The following SLTM variants were observed in gnomAD, a reference collection of about 807,000 sequenced individuals.
SLTM encodes SAFB-like transcription modulator.
A neutral mutation model predicts 134.6 loss-of-function variants in SLTM; 43 were observed. The observed-to-expected ratio is 0.32, with a 90% CI of 0.25 to 0.41. The LOEUF is 0.41. Among genes scored for constraint, SLTM ranks in the 10% least tolerant of loss-of-function variants. The pLI is 1.00. For missense variants in SLTM, 1,055 were observed against 1,288.8 expected (o/e 0.82, Z 2.78); for synonymous variants, 424 against 432.3 (o/e 0.98, Z 0.24).
At chr15:58,929,270 A>T (rs2037700498) in intron 2 of SLTM, among the ~76,000 whole-genome samples, 1 of 152,138 alleles carries the variant, frequency 6.6e-6, no homozygotes, top group Non-Finnish European at 1.5e-5. Context: ...GACCAACTGG[A>T]GAAACCCGTC....
At chr15:58,887,595 ATTC>A (rs1433026854) in intron 17 of SLTM, 55 bp from the exon 18 acceptor site, 10 of 1,537,064 alleles carry the variant, frequency 6.5e-6, no homozygotes, top group African/African-American at 5.6e-5. Context: ...TGAGTGCTTA[ATTC>A]TTCTTAACTT....
At chr15:58,882,194 C>CAAAAAA (rs1491529353) in intron 20 of SLTM, among the ~76,000 whole-genome samples, 1 of 17,810 alleles carries the variant, frequency 5.6e-5, no homozygotes, top group Non-Finnish European at 1.8e-4. Flanking sequence ...AAAAAAAAAA[C>CAAAAAA]CACACTTAGA....
intron 20 of SLTM, among the ~76,000 whole-genome samples, chr15:58,883,122 C>T (rs1160720214): frequency 1.3e-5 from 2 of 152,110 alleles, no homozygotes; most frequent in Admixed American, 6.5e-5. Flanking sequence ...CGAGACCTGC[C>T]TGGGCAACAT....
chr15:58,906,793 G>T (rs555057518), intron 5 of SLTM, among the ~76,000 whole-genome samples: 1 of 152,316 alleles, frequency 6.6e-6, no homozygotes, highest in Admixed American at 6.5e-5. Context: ...TAAATGTAGT[G>T]TAAGACTGCT....
At chr15:58,884,564 G>A (rs568289478) in intron 19 of SLTM, among the ~76,000 whole-genome samples, 41 of 152,172 alleles carry the variant, frequency 2.7e-4, no homozygotes, top group African/African-American at 4.3e-4. Flanking sequence ...TGATCCGCCC[G>A]CCTAGGCCTC....
At chr15:58,889,089 A>G (rs1033619818) in intron 16 of SLTM, 1 of 223,014 alleles carries the variant, frequency 4.5e-6, no homozygotes, top group Non-Finnish European at 9.0e-6. Flanking sequence ...AATAGAATCT[A>G]TCTTTCAATC....
At chr15:58,930,727 C>T (rs1567169059) in intron 2 of SLTM, among the ~76,000 whole-genome samples, 1 of 143,932 alleles carries the variant, frequency 6.9e-6, no homozygotes, top group Non-Finnish European at 1.5e-5. Flanking sequence ...ATATATATAT[C>T]ATATATGATA....
rs2035296082 is a variant in SLTM, at chr15:58,899,141, T to C, written c.1059-289A>G. 2 of 435,954 alleles carry C rather than the reference T, an allele frequency of 4.6e-6. No homozygotes were observed. The highest frequency in any genetic ancestry group is 4.1e-5 in the Admixed American group (1 of 24,638). 27.0% of individuals were successfully genotyped at this position (435,954 alleles called of 1,614,324 possible). On this transcript the variant is annotated intron_variant, in intron 7 of 20. Transcript: ENST00000380516. The surrounding 1 kb of genome is among the most constrained non-coding windows in gnomAD (Gnocchi z 5.0). ...TGACTTCATTTTGTGTTCTTAGAAC[T>C]GATAGTTGTTCATTAACCATCATCA... is the stretch of plus-strand genomic sequence containing the variant.
rs1209949793 is a variant in SLTM at position 58,920,651 on chromosome 15, A to AAATAAATC, written c.251-3653_251-3652insGATTTATT. Among the ~76,000 whole-genome samples the AAATAAATC allele has an allele frequency of 2.0e-5, 3 of 150,166 alleles. No homozygotes were observed. The East Asian group carries it at 5.9e-4, about 29-fold the overall frequency. On this transcript the variant is annotated intron_variant, in intron 2 of 20. Coordinates refer to ENST00000380516, the MANE Select transcript of SLTM (RefSeq NM_024755.4). The stretch of plus-strand genomic sequence containing the variant: ...ATAATAAATAAATAAATAAATAAAT[A>AAATAAATC]AATAAATAAATAAAAATTTTTTGGC...
rs773848257 is a variant in SLTM, at chr15:58,888,562, G to A, written c.2205-7C>T. 6.2e-7 allele frequency: 1 copy of A among 1,611,048 alleles called. No individual in the cohort carries two copies. The highest frequency in any genetic ancestry group is 1.7e-5 in the Admixed American group (1 of 59,060). ...CCAGTAAGGATCATCTCGCCTTGAAGAGAAATATTTGCTTATTTACATAAA... is the reference window on the plus strand; with the variant it reads ...CCAGTAAGGATCATCTCGCCTTGAAAAGAAATATTTGCTTATTTACATAAA... On this transcript the variant is annotated splice_region_variant and splice_polypyrimidine_tract_variant and intron_variant, in intron 16 of 20. Transcript: ENST00000380516.
At chr15:58,900,068 A>C (rs1441229936) in intron 6 of SLTM, 131 bp from the exon 7 acceptor site, 11 of 691,076 alleles carry the variant, frequency 1.6e-5, no homozygotes, top group Middle Eastern at 8.1e-4. Flanking sequence ...GAAAAAAAAA[A>C]AAAACACAAG....
rs1833053655 is a variant in SLTM at position 58,879,703 on chromosome 15, G to A, written c.*296C>T. The A allele has an allele frequency of 4.3e-6, 1 of 231,320 alleles. No homozygotes were observed. The highest frequency in any genetic ancestry group is 8.1e-5 in the South Asian group (1 of 12,316). The allele number at this position is 231,320 out of a possible 1,614,324, so 14.3% of individuals were successfully genotyped here. A position where few individuals can be genotyped will look rare whatever the true frequency, so the allele number is the denominator to read the frequency against. ...CAAATTAAACCACTACCACACAGCT[G>A]CAAACTACTCTTTATATTCACACAG... On this transcript the variant is annotated 3_prime_UTR_variant, in exon 21 of 21. Coordinates refer to ENST00000380516, the MANE Select transcript of SLTM (RefSeq NM_024755.4).
chr15:58,920,306 G>A (rs1006962751), intron 2 of SLTM, among the ~76,000 whole-genome samples: 42 of 151,870 alleles, frequency 2.8e-4, no homozygotes, highest in Admixed American at 1.3e-4. Context: ...GAGAGACAGA[G>A]CGACACTCTG....
chr15:58,892,966 A>C lies in SLTM; in HGVS notation c.1829T>G (p.Met610Arg). 1 of 1,613,804 alleles carries C rather than the reference A, an allele frequency of 6.2e-7. No individual in the cohort carries two copies. Among genetic ancestry groups the C allele is most frequent in the Non-Finnish European group, 8.5e-7 (1 of 1,179,904 alleles). The change falls in exon 14 of 21, where the codon ATG becomes AGG. Residue 610 changes from methionine (M) to arginine (R), a missense_variant. Physicochemically the swap from Met to Arg is moderately conservative, Grantham distance 91 (BLOSUM62 -1). Coordinates refer to ENST00000380516, the MANE Select transcript of SLTM (RefSeq NM_024755.4). The stretch of plus-strand genomic sequence containing the variant: ...ATGTTCTCTCAACCTTTGTTCCTTC[A>C]TCTTTTCAAAAGGCAAGATCTCTTT... The part of the protein sequence containing the change: ...RRKEILPFEK[M>R]KEQRLREHLV...
intron 5 of SLTM, among the ~76,000 whole-genome samples, chr15:58,908,002 C>CGTGTGTGTGTGTGTGTGTGTGTGTGT (rs140029214): frequency 2.1e-5 from 3 of 139,870 alleles, no homozygotes; most frequent in East Asian, 2.1e-4. Flanking sequence ...AAACATGCTG[C>CGTGTGTGTGTGTGTGTGTGTGTGTGT]GTGTGTGTGT....
Position 58,888,412 on chromosome 15 carries a change from G to A in SLTM, c.2348C>T (p.Ser783Leu). Residue 783 changes from serine to leucine, a missense_variant, in exon 17 of 21, where the codon TCA becomes TTA. This residue lies in a region of SLTM where 776 missense variants were observed against 962.2 expected (regional missense o/e 0.81). Transcript: ENST00000380516. ...HRERGRFPES[S>L]AVQSSSFERR... ...TTCAAAAGATGAAGACTGTACTGCT[G>A]AACTCTCAGGAAACCTGCCCCTCTC... is the stretch of plus-strand genomic sequence containing the variant. 6.2e-7 allele frequency: 1 copy of A among 1,610,968 alleles called. No homozygotes were observed. The highest frequency in any genetic ancestry group is 8.5e-7 in the Non-Finnish European group (1 of 1,179,252).
At chr15:58,928,053 T>G (rs2141239959) in intron 2 of SLTM, among the ~76,000 whole-genome samples, 1 of 152,348 alleles carries the variant, frequency 6.6e-6, no homozygotes, top group East Asian at 1.9e-4. Context: ...TTTGTTTCTA[T>G]AGAAGAAAAA....
chr15:58,890,334 TCTCTA>T lies in SLTM; in HGVS notation c.2021_2025del (p.Leu674GlnfsTer17). ...AAGCGTTCGCGTTCCATTCTCTCTC[TCTCTA>T]GTTTTTGCCTTTCAATTTCTAGGCG... On this transcript the variant is annotated frameshift_variant, in exon 15 of 21. Transcript: ENST00000380516. LOFTEE classifies it high-confidence loss of function. The T allele has an allele frequency of 6.2e-7, 1 of 1,614,110 alleles. No individual in the cohort carries two copies.
At chr15:58,886,833 T>A in intron 19 of SLTM, 142 bp downstream of exon 19, 1 of 1,022,734 alleles carries the variant, frequency 9.8e-7, no homozygotes. Context: ...TTTTAAAAAT[T>A]TAAATAAAAA....
Sources: gnomAD v4.1 joint callset for allele counts (sites outside exome capture counted in the v4.1 genomes callset) on GRCh38, gnomAD v4.1.1 for gene constraint, gnomAD v4.1.1 regional missense constraint, Gnocchi (gnomAD v3.1) non-coding constraint, MANE v1.5 for transcripts, NCBI Gene and HGNC (gene_info 2026-07-23, HGNC 2026-07-21) for gene names.